The following ZNF726 variants were observed in gnomAD, a reference collection of about 807,000 sequenced individuals.
ZNF726 encodes zinc finger protein 92 pseudogene 3.
In ZNF726, 15 loss-of-function variants were observed where a neutral mutation model predicts 11.6. The ratio of observed to expected loss-of-function variants is 1.29; its 90% CI spans 0.86 to 1.99. The LOEUF (loss-of-function observed/expected upper bound fraction) is 1.99, where lower values mean the gene tolerates loss of function less well. Ranked by LOEUF, ZNF726 falls within the 30% of genes most tolerant of loss-of-function variation. ZNF726 has a pLI of 0.00. For missense variants in ZNF726, 890 were observed against 725.6 expected, an observed-to-expected ratio of 1.23 and a Z score of -2.60; for synonymous variants, 295 against 243.6, an observed-to-expected ratio of 1.21 and a Z score of -1.96.
At chr19:23,938,516 C>T (rs1307122932), downstream of ZNF726, among the ~76,000 whole-genome samples, 1 of 152,034 alleles carries the variant, frequency 6.6e-6, no homozygotes, top group African/African-American at 2.4e-5. Flanking sequence ...TTCAGAATCT[C>T]CCCATGCAAA....
chr19:23,920,906 G>C (rs1255285581), intron 3 of ZNF726: 1 of 151,746 alleles, frequency 6.6e-6, no homozygotes, highest in Non-Finnish European at 1.5e-5. Context: ...ACTGAGCAAA[G>C]GAGACAGGGT....
At chr19:23,919,521 A>C (rs1300770600) in intron 2 of ZNF726, 22 bp downstream of exon 2, 2 of 1,558,690 alleles carry the variant, frequency 1.3e-6, no homozygotes, top group African/African-American at 2.8e-5. Flanking sequence ...TTTAATACAA[A>C]ATTTTTAATA....
Position 23,934,036 on chromosome 19 carries a change from G to T in ZNF726, c.*69G>T. 1.3e-6 allele frequency: 2 copies of T among 1,522,492 alleles called. No homozygotes were observed. Among genetic ancestry groups the T allele is most frequent in the Non-Finnish European group, 1.8e-6 (2 of 1,103,390 alleles). 94.3% of individuals were successfully genotyped at this position (1,522,492 alleles called of 1,614,324 possible). ...TGGTCCTCAACGCTAAACATAAGAG[G>T]ATGCACACTGGAGAGAAACCCTACA... On this transcript the variant is annotated 3_prime_UTR_variant, in exon 4 of 4. Coordinates refer to ENST00000594466, the MANE Select transcript of ZNF726 (RefSeq NM_001244038.2).
chr19:23,917,106 A>G (rs1967720038), intron 1 of ZNF726, among the ~76,000 whole-genome samples: 1 of 152,132 alleles, frequency 6.6e-6, no homozygotes, highest in Non-Finnish European at 1.5e-5. Context: ...GTGCACCACC[A>G]CACCCACCTA....
Position 23,932,484 on chromosome 19 carries a change from G to T in ZNF726, c.368G>T (p.Cys123Phe). 6.3e-7 allele frequency: 1 copy of T among 1,590,704 alleles called. No individual in the cohort carries two copies. Among genetic ancestry groups the T allele is most frequent in the South Asian group, 1.2e-5 (1 of 85,522 alleles). The change falls in exon 4 of 4, where the codon TGT becomes TTT. Residue 123 changes from cysteine to phenylalanine, a missense_variant. By Grantham distance (205) the Cys-to-Phe change is radical (BLOSUM62 -2). Transcript: ENST00000594466. ...AAAGGTTGTAAAAGTGTGGATGAGT[G>T]TAAGGTACACAAAGAAGGTTATAAT... is the stretch of plus-strand genomic sequence containing the variant. ...LRKGCKSVDE[C>F]KVHKEGYNGL...
At chr19:23,934,685 T>A (rs1462653498), downstream of ZNF726, among the ~76,000 whole-genome samples, 1 of 152,238 alleles carries the variant, frequency 6.6e-6, no homozygotes. Flanking sequence ...GTTTGGATCC[T>A]GACTCCACTA....
chr19:23,917,300 G>A (rs1331765473), intron 1 of ZNF726, among the ~76,000 whole-genome samples: 1 of 152,088 alleles, frequency 6.6e-6, no homozygotes, highest in Non-Finnish European at 1.5e-5. Context: ...GAGCTTGAAA[G>A]GTAAGGAAAT....
In ZNF726 at chr19:23,915,592, C is replaced by CT. The variant is rs950139118; in HGVS notation, c.3+605dup. On this transcript the variant is annotated intron_variant, in intron 1 of 3. Transcript: ENST00000594466. The stretch of plus-strand genomic sequence containing the variant: ...GTTGTTGTTGTTTTGTTTTCATTTT[C>CT]TTTTTTTTTTGAGGCAGAGTCTCTG... Among the ~76,000 whole-genome samples the CT allele has an allele frequency of 2.8e-3, 416 of 147,636 alleles. 1 individual carries two copies. Among genetic ancestry groups the CT allele is most frequent in the African/African-American group, 8.2e-3 (331 of 40,422 alleles).
chr19:23,932,675 C>T lies in ZNF726; in HGVS notation c.559C>T (p.His187Tyr). The T allele has an allele frequency of 1.3e-6, 2 of 1,587,704 alleles. No individual in the cohort carries two copies. Among genetic ancestry groups the T allele is most frequent in the Non-Finnish European group, 1.7e-6 (2 of 1,170,768 alleles). ...NCVKSFCMFS[H>Y]KTQHKSIYTT... ...TGTCAAATCATTTTGCATGTTTTCA[C>T]ACAAAACCCAGCATAAAAGCATATA... is the stretch of plus-strand genomic sequence containing the variant. The change falls in exon 4 of 4, where the codon CAC becomes TAC. Residue 187 changes from histidine to tyrosine, a missense_variant. Transcript: ENST00000594466.
chr19:23,938,028 CTT>C (rs980661026), downstream of ZNF726, among the ~76,000 whole-genome samples: 5 of 152,174 alleles, frequency 3.3e-5, no homozygotes, highest in African/African-American at 7.2e-5. Context: ...ATGCCACTAA[CTT>C]TAACCTATTC....
At chr19:23,944,148 A>G (rs986575700) in intron 4 of ZNF726, 3 of 152,042 alleles carry the variant, frequency 2.0e-5, no homozygotes, top group African/African-American at 7.2e-5. Flanking sequence ...TTATATACCT[A>G]TTGGTCATGT....
chr19:23,941,697 A>T (rs1968341512), intron 3 of ZNF726, among the ~76,000 whole-genome samples: 1 of 151,972 alleles, frequency 6.6e-6, no homozygotes, highest in African/African-American at 2.4e-5. Context: ...GATTTAAGCT[A>T]GGAGGGTTGT....
At position 23,914,945 on chromosome 19, in the gene ZNF726, T is replaced by C. The variant is rs1162878186; in HGVS notation, c.-50T>C. 1 of 1,612,794 alleles carries C rather than the reference T, an allele frequency of 6.2e-7. No homozygotes were observed. The highest frequency in any genetic ancestry group is 1.3e-5 in the African/African-American group (1 of 74,920). On this transcript the variant is annotated 5_prime_UTR_variant, in exon 1 of 4. Transcript: ENST00000594466. ...CTCACTACTCTGTGTCTTCTGCTTTTAGGGGCGCAGCCTCTGTGGCCCTGT... is the reference window on the plus strand; with the variant it reads ...CTCACTACTCTGTGTCTTCTGCTTTCAGGGGCGCAGCCTCTGTGGCCCTGT...
chr19:23,927,720 G>A (rs1051921827), intron 3 of ZNF726: 11 of 152,170 alleles, frequency 7.2e-5, no homozygotes, highest in African/African-American at 1.9e-4. Flanking sequence ...AACTCCAAGT[G>A]ATCCTCCCAC....
chr19:23,921,980 G>T (rs571206160), intron 3 of ZNF726, among the ~76,000 whole-genome samples: 4 of 152,192 alleles, frequency 2.6e-5, no homozygotes, highest in African/African-American at 9.7e-5. Context: ...CACCTCTTCA[G>T]AATTTTATAA....
In ZNF726 at chr19:23,933,282, G is replaced by C. The variant is rs1243064505; in HGVS notation, c.1166G>C (p.Arg389Thr). The C allele has an allele frequency of 1.2e-6, 2 of 1,612,070 alleles. No homozygotes were observed. The highest frequency in any genetic ancestry group is 8.5e-7 in the Non-Finnish European group (1 of 1,179,730). ...IWPSTLTKHK[R>T]IHTGEKPYKC... ...CCCTCAACCCTAACTAAACATAAGA[G>C]GATTCACACTGGAGAGAAACCCTAC... Residue 389 changes from arginine to threonine, a missense_variant, in exon 4 of 4, where the codon AGG becomes ACG. Physicochemically the swap from Arg to Thr is moderately conservative, Grantham distance 71. Coordinates refer to ENST00000594466, the MANE Select transcript of ZNF726 (RefSeq NM_001244038.2).
intron 3 of ZNF726, among the ~76,000 whole-genome samples, chr19:23,921,740 A>C (rs762655369): frequency 3.3e-5 from 5 of 152,176 alleles, no homozygotes; most frequent in Non-Finnish European, 5.9e-5. Flanking sequence ...TTTGCTAATC[A>C]ACTGAGTGTA....
downstream of ZNF726, among the ~76,000 whole-genome samples, chr19:23,937,096 C>CT (rs1407252664): frequency 6.7e-6 from 1 of 150,148 alleles, no homozygotes; most frequent in South Asian, 2.1e-4. Context: ...GCTGACCCCC[C>CT]CCACCTCCCT....
intron 3 of ZNF726, among the ~76,000 whole-genome samples, chr19:23,940,928 G>A (rs1269814374): frequency 6.6e-6 from 1 of 152,146 alleles, no homozygotes; most frequent in Non-Finnish European, 1.5e-5. Context: ...CATATCATCA[G>A]CAAACAGGTA....
Sources: allele counts gnomAD v4.1 joint callset (sites outside exome capture counted in the v4.1 genomes callset), GRCh38; gene constraint gnomAD v4.1.1; transcripts MANE v1.5; gene names NCBI Gene and HGNC (gene_info 2026-07-23, HGNC 2026-07-21).